FEM1C: variants seen among roughly 807,000 people sequenced by gnomAD.
FEM1C encodes protein fem-1 homolog C.
In FEM1C, 15 loss-of-function variants were observed where a neutral mutation model predicts 37.6. The ratio of observed to expected loss-of-function variants is 0.40; its 90% CI spans 0.27 to 0.61. The LOEUF (loss-of-function observed/expected upper bound fraction) is 0.61, where lower values mean the gene tolerates loss of function less well. Among genes scored for constraint, FEM1C ranks in the 20% least tolerant of loss-of-function variants. FEM1C has a pLI of 0.42. For missense variants in FEM1C, 532 were observed against 749.7 expected (o/e 0.71, Z 3.39); for synonymous variants, 287 against 272.8 (o/e 1.05, Z -0.51).
chr5:115,544,063 G>A (rs1754301827), intron 1 of FEM1C: 9 of 985,450 alleles, frequency 9.1e-6, no homozygotes, highest in Non-Finnish European at 8.4e-6. Context: ...GCAACTGCAG[G>A]AGAGCTGGCC....
intron 2 of FEM1C, among the ~76,000 whole-genome samples, chr5:115,526,830 T>G (rs1709350369): frequency 6.6e-6 from 1 of 152,098 alleles, no homozygotes; most frequent in South Asian, 2.1e-4. Flanking sequence ...CCCTAAATGA[T>G]AAGGGTATCT....
intron 2 of FEM1C, among the ~76,000 whole-genome samples, chr5:115,526,754 T>C (rs573720512): frequency 7.2e-5 from 11 of 152,116 alleles, no homozygotes; most frequent in Non-Finnish European, 1.2e-4. Flanking sequence ...TCTTGCAAGG[T>C]TGGACCTTTG....
rs935412914 is a variant in FEM1C at position 115,522,699 on chromosome 5, CAAGT to C, written c.*1605_*1608del. On this transcript the variant is annotated 3_prime_UTR_variant, in exon 3 of 3. Transcript: ENST00000274457. ...AGAATAAAATGTCAACACAAAAATC[CAAGT>C]GAGTGATCCAGCTCATTGAACTCAC... is the stretch of plus-strand genomic sequence containing the variant. 2.0e-5 allele frequency: 3 copies of C among 152,256 alleles called. No individual in the cohort carries two copies. Among genetic ancestry groups the C allele is most frequent in the African/African-American group, 7.2e-5 (3 of 41,388 alleles). 9.4% of individuals were successfully genotyped at this position (152,256 alleles called of 1,614,324 possible).
chr5:115,543,225 G>A lies in FEM1C; in HGVS notation c.269C>T (p.Ala90Val), dbSNP rs775807693. The A allele has an allele frequency of 6.2e-7, 1 of 1,614,224 alleles. No individual in the cohort carries two copies. The highest frequency in any genetic ancestry group is 8.5e-7 in the Non-Finnish European group (1 of 1,180,044). The change falls in exon 2 of 3, where the codon GCT (alanine) becomes GTT (valine). Residue 90 changes from alanine (A) to valine (V), a missense_variant. Ala to Val is a moderately conservative substitution (Grantham distance 64). Coordinates refer to ENST00000274457, the MANE Select transcript of FEM1C (RefSeq NM_020177.3). ...CACCTTCAGATGTCCTGCTGCAGAAGCGGCCCATAAAGGGGGAGCCCCCTC... is the reference window on the plus strand; with the variant it reads ...CACCTTCAGATGTCCTGCTGCAGAAACGGCCCATAAAGGGGGAGCCCCCTC... Reference protein sequence around the residue: ...TIEGAPPLWAASAAGHLKVVQ... With the variant: ...TIEGAPPLWAVSAAGHLKVVQ...
At chr5:115,537,666 T>C (rs1754156444) in intron 2 of FEM1C, among the ~76,000 whole-genome samples, 1 of 152,078 alleles carries the variant, frequency 6.6e-6, no homozygotes, top group Non-Finnish European at 1.5e-5. Flanking sequence ...GTTAATGACT[T>C]CAACTAGTAA....
chr5:115,544,271 G>A, intron 1 of FEM1C: 1 of 613,954 alleles, frequency 1.6e-6, no homozygotes. Context: ...CCCACCCCCC[G>A]CCAAGGGATG....
chr5:115,543,069 A>C lies in FEM1C; in HGVS notation c.425T>G (p.Leu142Trp). 6.2e-7 allele frequency: 1 copy of C among 1,614,238 alleles called. No homozygotes were observed. The highest frequency in any genetic ancestry group is 8.5e-7 in the Non-Finnish European group (1 of 1,180,040). Reference sequence around the variant, plus strand: ...ATGCCCATGTCGGTTTGACACTTCCAAATCAGCTTTGTGTTCTACAAGGTA... The same window carrying C: ...ATGCCCATGTCGGTTTGACACTTCCCAATCAGCTTTGTGTTCTACAAGGTA... The part of the protein sequence containing the change: ...VKYLVEHKAD[L>W]EVSNRHGHTC... The change falls in exon 2 of 3, where the codon TTG (leucine) becomes TGG (tryptophan). Residue 142 changes from leucine to tryptophan, a missense_variant. Physicochemically the swap from Leu to Trp is moderately conservative, Grantham distance 61 (BLOSUM62 -2). This residue lies in a region of FEM1C where 221 missense variants were observed against 404.1 expected (regional missense o/e 0.55). Coordinates refer to ENST00000274457, the MANE Select transcript of FEM1C (RefSeq NM_020177.3).
rs1336554746 is a variant in FEM1C, at chr5:115,524,446, T to C, written c.1716A>G (p.Glu572=). ...QTASDLLDEK[E]IAKNLIQPIN... ...TAGGCTGGATTAAATTTTTAGCTAT[T>C]TCCTTCTCATCCAGCAAGTCACTAG... Residue 572 remains glutamate (E), a synonymous_variant, in exon 3 of 3, where the codon GAA becomes GAG. Coordinates refer to ENST00000274457, the MANE Select transcript of FEM1C (RefSeq NM_020177.3). 1 of 1,613,228 alleles carries C rather than the reference T, an allele frequency of 6.2e-7. No individual in the cohort carries two copies. The highest frequency in any genetic ancestry group is 8.5e-7 in the Non-Finnish European group (1 of 1,179,638).
chr5:115,528,111 GA>G (rs1036870989), intron 2 of FEM1C, among the ~76,000 whole-genome samples: 1 of 149,160 alleles, frequency 6.7e-6, no homozygotes, highest in Non-Finnish European at 1.5e-5. Context: ...CATACCAGGA[GA>G]AAAAAAGTAG....
At chr5:115,541,197 A>G (rs1754233439) in intron 2 of FEM1C, among the ~76,000 whole-genome samples, 1 of 152,152 alleles carries the variant, frequency 6.6e-6, no homozygotes, top group Admixed American at 6.5e-5. Context: ...TATTAAAGAT[A>G]ACATTTATTA....
chr5:115,531,344 T>C (rs781685553), intron 2 of FEM1C, among the ~76,000 whole-genome samples: 1 of 152,132 alleles, frequency 6.6e-6, no homozygotes, highest in Non-Finnish European at 1.5e-5. Flanking sequence ...TTCTACATCA[T>C]TGATTCTCAA....
Position 115,543,419 on chromosome 5 carries a change from G to C in FEM1C, c.75C>G (p.Ser25Arg). 11 of 1,614,140 alleles carry C rather than the reference G, an allele frequency of 6.8e-6. No homozygotes were observed. The highest frequency in any genetic ancestry group is 9.3e-6 in the Non-Finnish European group (11 of 1,180,012). ...KLRLLTKLLASKSKEEVSSLI... is the reference protein window; with the variant it reads ...KLRLLTKLLARKSKEEVSSLI... The stretch of plus-strand genomic sequence containing the variant: ...AGGAGGAAACCTCCTCTTTGGATTT[G>C]CTTGCCAACAATTTGGTGAGAAGCC... Residue 25 changes from serine (S) to arginine (R), a missense_variant, in exon 2 of 3, where the codon AGC (serine) becomes AGG (arginine). This residue lies in a region of FEM1C where 74 missense variants were observed against 85.0 expected (regional missense o/e 0.87). Transcript: ENST00000274457.
At chr5:115,531,083 A>G (rs1365689096) in intron 2 of FEM1C, among the ~76,000 whole-genome samples, 2 of 152,154 alleles carry the variant, frequency 1.3e-5, no homozygotes, top group Non-Finnish European at 2.9e-5. Context: ...AACTCATTCT[A>G]CATACAAATA....
chr5:115,524,480 T>C lies in FEM1C; in HGVS notation c.1682A>G (p.Lys561Arg), dbSNP rs1276881343. Residue 561 changes from lysine to arginine, a missense_variant, in exon 3 of 3, where the codon AAA (lysine) becomes AGA (arginine). Around this residue, in one of 3 missense-constraint regions of FEM1C, gnomAD observed 237 missense variants for 260.5 expected, o/e 0.91. Coordinates refer to ENST00000274457, the MANE Select transcript of FEM1C (RefSeq NM_020177.3). ...GAHFDATNLHKQTASDLLDEK... is the reference protein window; with the variant it reads ...GAHFDATNLHRQTASDLLDEK... ...ATCCAGCAAGTCACTAGCAGTTTGT[T>C]TGTGCAAGTTTGTGGCATCAAAATG... 9.3e-6 allele frequency: 15 copies of C among 1,612,562 alleles called. No individual in the cohort carries two copies. The South Asian group carries it at 1.4e-4, about 15-fold the overall frequency.
intron 1 of FEM1C, chr5:115,543,965 C>A: frequency 1.0e-6 from 1 of 985,340 alleles, no homozygotes; most frequent in Non-Finnish European, 1.2e-6. Flanking sequence ...ACCAGCCAAG[C>A]TTTGTTCTAG....
Position 115,521,873 on chromosome 5 carries a change from T to C in FEM1C, c.*2435A>G, listed in dbSNP as rs1321968749. The C allele has an allele frequency of 2.0e-5, 3 of 151,930 alleles. No individual in the cohort carries two copies. Among genetic ancestry groups the C allele is most frequent in the Non-Finnish European group, 4.4e-5 (3 of 67,876 alleles). 9.4% of individuals were successfully genotyped at this position (151,930 alleles called of 1,614,324 possible). A position where few individuals can be genotyped will look rare whatever the true frequency, so the allele number is the denominator to read the frequency against. ...AAAGAAAATAAAATCAGGGACAATT[T>C]TGAGCTATTAAATTAACTGGTTTTT... On this transcript the variant is annotated 3_prime_UTR_variant, in exon 3 of 3. Transcript: ENST00000274457.
Position 115,543,616 on chromosome 5 carries a change from G to A in FEM1C, c.-123C>T, listed in dbSNP as rs901301639. On this transcript the variant is annotated 5_prime_UTR_variant, in exon 2 of 3. Coordinates refer to ENST00000274457, the MANE Select transcript of FEM1C (RefSeq NM_020177.3). ...AATGTTAATTGCTGCACCCCAGAAC[G>A]GATACACAACCACGAAGAGTATGTT... 2.7e-6 allele frequency: 4 copies of A among 1,455,488 alleles called. No homozygotes were observed. The highest frequency in any genetic ancestry group is 1.4e-5 in the African/African-American group (1 of 70,770). The allele number at this position is 1,455,488 out of a possible 1,614,324, so 90.2% of individuals were successfully genotyped here.
At chr5:115,543,806 CA>C in intron 1 of FEM1C, 123 bp from the exon 2 acceptor site, 1 of 1,056,064 alleles carries the variant, frequency 9.5e-7, no homozygotes. Context: ...TACTCCATCC[CA>C]CACACCCCCC....
At position 115,525,079 on chromosome 5, in the gene FEM1C, C is replaced by G; in HGVS notation, c.1083G>C (p.Trp361Cys). 1.2e-6 allele frequency: 2 copies of G among 1,613,778 alleles called. No homozygotes were observed. The highest frequency in any genetic ancestry group is 1.7e-6 in the Non-Finnish European group (2 of 1,179,836). Residue 361 changes from tryptophan (W) to cysteine (C), a missense_variant, in exon 3 of 3, where the codon TGG becomes TGC. Physicochemically the swap from Trp to Cys is radical, Grantham distance 215. Transcript: ENST00000274457. ...TCTGCTGCATATCCAAAGCATACTT[C>G]CATAGGTTGATGCATCGTTTGAAAT... ...SGNFKRCINL[W>C]KYALDMQQSN...
Sources: gnomAD v4.1 joint callset for allele counts (sites outside exome capture counted in the v4.1 genomes callset) on GRCh38, gnomAD v4.1.1 for gene constraint, gnomAD v4.1.1 regional missense constraint, MANE v1.5 for transcripts, NCBI Gene and HGNC (gene_info 2026-07-23, HGNC 2026-07-21) for gene names.